Variants in CAMTA1 observed in about 807,000 individuals in gnomAD.
The protein encoded by CAMTA1 is calmodulin-binding transcription activator 1.
Under a neutral mutation model 170.9 loss-of-function variants are expected in CAMTA1, and 27 were observed. That is an observed-to-expected ratio of 0.16 (90% CI 0.12 to 0.22). The LOEUF is 0.22. Ranked by LOEUF, CAMTA1 falls within the 10% of genes least tolerant of loss-of-function variation. The pLI is 1.00. For synonymous variants in CAMTA1, 833 were observed against 891.5 expected (o/e 0.93, Z 1.17); for missense variants, 1,619 against 2,217.2 (o/e 0.73, Z 5.42).
At chr1:6,832,428 T>G (rs940063894) in intron 3 of CAMTA1, among the ~76,000 whole-genome samples, 1 of 152,242 alleles carries the variant, frequency 6.6e-6, no homozygotes, top group African/African-American at 2.4e-5. Context: ...CGATACATAA[T>G]CTTGAGTGTT....
chr1:7,130,609 C>G (rs1267931493), intron 4 of CAMTA1, among the ~76,000 whole-genome samples: 1 of 152,134 alleles, frequency 6.6e-6, no homozygotes, highest in African/African-American at 2.4e-5. Context: ...GCTTCACATT[C>G]TTGCTAACCC....
At position 6,971,537 on chromosome 1, in the gene CAMTA1, C is replaced by T. The variant is rs138896828; in HGVS notation, c.235-119767C>T. 1.3e-5 allele frequency among the ~76,000 whole-genome samples: 2 copies of T among 152,212 alleles called. No homozygotes were observed. Among genetic ancestry groups the T allele is most frequent in the Non-Finnish European group, 2.9e-5 (2 of 68,024 alleles). On this transcript the variant is annotated intron_variant, in intron 3 of 22. Coordinates refer to ENST00000303635, the MANE Select transcript of CAMTA1 (RefSeq NM_015215.4). This position sits in a 1 kb window ranked among gnomAD's most constrained non-coding sequence, Gnocchi z 4.6. ...ATTTTACGTTGTCTTTGGAGTTGCT[C>T]AGGGGCCAAAGTGCCTTCTGGGTAA...
At chr1:6,924,873 T>G (rs1440468381) in intron 3 of CAMTA1, among the ~76,000 whole-genome samples, 1 of 152,224 alleles carries the variant, frequency 6.6e-6, no homozygotes, top group Non-Finnish European at 1.5e-5. Flanking sequence ...TTTGATGAAC[T>G]CTGGCAGCCC....
At chr1:7,354,396 G>A (rs549901693) in intron 5 of CAMTA1, among the ~76,000 whole-genome samples, 8 of 152,072 alleles carry the variant, frequency 5.3e-5, no homozygotes, top group South Asian at 4.2e-4. Context: ...TGATCCGCCC[G>A]CCTCGGCCTC....
At chr1:7,408,662 C>T (rs1401566617) in intron 5 of CAMTA1, among the ~76,000 whole-genome samples, 1 of 152,218 alleles carries the variant, frequency 6.6e-6, no homozygotes, top group Non-Finnish European at 1.5e-5. Flanking sequence ...GCATGCATGG[C>T]TATCAGCTTC....
Position 6,997,656 on chromosome 1 carries a change from CTTTCTTTTTTTTT to C in CAMTA1, c.235-93644_235-93632del, listed in dbSNP as rs1291482306. Among the ~76,000 whole-genome samples, 4 of 128,412 alleles carry C rather than the reference CTTTCTTTTTTTTT, an allele frequency of 3.1e-5. No homozygotes were observed. The East Asian group carries it at 8.4e-4, about 27-fold the overall frequency. 84.2% of individuals were successfully genotyped at this position (128,412 alleles called of 152,430 possible). On this transcript the variant is annotated intron_variant, in intron 3 of 22. Transcript: ENST00000303635. The stretch of plus-strand genomic sequence containing the variant: ...CTGTTTTCCATATTTCCTTTCTTTT[CTTTCTTTTTTTTT>C]TTTTTTTTGAGACAGAGTTTCGCTT...
At chr1:6,791,328 C>T (rs1641046721) in intron 1 of CAMTA1, among the ~76,000 whole-genome samples, 1 of 152,164 alleles carries the variant, frequency 6.6e-6, no homozygotes, top group African/African-American at 2.4e-5. Flanking sequence ...TAGCACAAGG[C>T]ATTGCTTCTT....
intron 6 of CAMTA1, among the ~76,000 whole-genome samples, chr1:7,476,123 C>T (rs1363034423): frequency 2.6e-5 from 4 of 152,228 alleles, no homozygotes; most frequent in East Asian, 3.9e-4. Flanking sequence ...CACCTTTGGC[C>T]GCCACAGCTG....
Position 6,785,586 on chromosome 1 carries a change from G to A in CAMTA1, c.45+11G>A. The stretch of plus-strand genomic sequence containing the variant: ...AAAACAAGCCGGAAGGTAAGAGCCG[G>A]AGCGCGAGGGGCTGGGGGGCGGCGC... On this transcript the variant is annotated intron_variant, in intron 1 of 22. Coordinates refer to ENST00000303635, the MANE Select transcript of CAMTA1 (RefSeq NM_015215.4). 2 of 1,047,664 alleles carry A rather than the reference G, an allele frequency of 1.9e-6. No individual in the cohort carries two copies. Among genetic ancestry groups the A allele is most frequent in the Non-Finnish European group, 2.3e-6 (2 of 855,672 alleles). The allele number at this position is 1,047,664 out of a possible 1,614,324, so 64.9% of individuals were successfully genotyped here. A position where few individuals can be genotyped will look rare whatever the true frequency, so the allele number is the denominator to read the frequency against.
chr1:7,622,713 T>C (rs12139551), intron 6 of CAMTA1, among the ~76,000 whole-genome samples: 34,249 of 152,188 alleles, frequency 0.23, 5,485 homozygotes, highest in African/African-American at 0.46. Context: ...TGTGGAGGCT[T>C]ATTCAACATT....
intron 6 of CAMTA1, among the ~76,000 whole-genome samples, chr1:7,529,280 A>G (rs2094464512): frequency 6.6e-6 from 1 of 151,872 alleles, no homozygotes; most frequent in African/African-American, 2.4e-5. Flanking sequence ...GACCTTGGAC[A>G]TTCCTCCACC....
intron 19 of CAMTA1, 86 bp from the exon 20 acceptor site, chr1:7,751,113 T>C (rs1228441123): frequency 9.2e-7 from 1 of 1,082,378 alleles, no homozygotes; most frequent in Non-Finnish European, 1.4e-6. Flanking sequence ...GCATTTTCTC[T>C]TCTTCCCTTC....
intron 11 of CAMTA1, among the ~76,000 whole-genome samples, chr1:7,713,592 A>G (rs888346873): frequency 6.6e-5 from 10 of 152,198 alleles, no homozygotes; most frequent in Admixed American, 6.5e-5. Flanking sequence ...AGTATTTCCA[A>G]AACATCTTTG....
intron 2 of CAMTA1, among the ~76,000 whole-genome samples, chr1:6,820,730 A>G (rs1557625612): frequency 2.0e-5 from 3 of 152,212 alleles, no homozygotes; most frequent in Non-Finnish European, 4.4e-5. Flanking sequence ...ATTAAATGAA[A>G]GAGTGCAATG....
chr1:7,324,464 T>C (rs1387894583), intron 5 of CAMTA1, among the ~76,000 whole-genome samples: 1 of 152,224 alleles, frequency 6.6e-6, no homozygotes, highest in African/African-American at 2.4e-5. Flanking sequence ...TAATTATTGA[T>C]TTGTTTGAAT....
intron 3 of CAMTA1, among the ~76,000 whole-genome samples, chr1:7,039,791 G>A (rs1363945520): frequency 6.6e-6 from 1 of 152,106 alleles, no homozygotes; most frequent in Non-Finnish European, 1.5e-5. Flanking sequence ...GGAGGAAAAT[G>A]GGTAACCTAT....
At chr1:6,983,694 A>G (rs1694817122) in intron 3 of CAMTA1, among the ~76,000 whole-genome samples, 1 of 146,060 alleles carries the variant, frequency 6.8e-6, no homozygotes, top group Non-Finnish European at 1.5e-5. Context: ...GGAAGGATGG[A>G]TGAATGGGTG....
intron 6 of CAMTA1, among the ~76,000 whole-genome samples, chr1:7,479,616 A>G (rs931425920): frequency 1.3e-5 from 2 of 152,148 alleles, no homozygotes; most frequent in African/African-American, 4.8e-5. Flanking sequence ...GTCATGTGAG[A>G]TGCGCTGGTG....
At chr1:7,206,364 A>T (rs566175127) in intron 4 of CAMTA1, among the ~76,000 whole-genome samples, 6 of 152,320 alleles carry the variant, frequency 3.9e-5, no homozygotes, top group African/African-American at 1.4e-4. Context: ...AGGTTTTCTC[A>T]TGGAGGTTTT....
Sources: allele counts gnomAD v4.1 joint callset (sites outside exome capture counted in the v4.1 genomes callset), GRCh38; gene constraint gnomAD v4.1.1; non-coding constraint Gnocchi (gnomAD v3.1); transcripts MANE v1.5; gene names NCBI Gene and HGNC (gene_info 2026-07-23, HGNC 2026-07-21).